Variants in TMEM74 observed in about 807,000 individuals in gnomAD.
TMEM74 encodes the protein transmembrane protein 74.
A neutral mutation model predicts 18.1 loss-of-function variants in TMEM74; 13 were observed. That is an observed-to-expected ratio of 0.72 (90% CI 0.47 to 1.14). The LOEUF is 1.14. TMEM74 is among the 50% of genes most tolerant of loss of function. TMEM74 has a pLI of 0.00. For missense variants in TMEM74, 372 were observed against 375.9 expected (o/e 0.99, Z 0.09); for synonymous variants, 159 against 146.6 (o/e 1.08, Z -0.61).
chr8:108,687,918 G>A (rs1813187691), intron 1 of TMEM74, among the ~76,000 whole-genome samples: 1 of 152,068 alleles, frequency 6.6e-6, no homozygotes, highest in African/African-American at 2.4e-5. Context: ...ATAGCCTGGG[G>A]GTTAGGAACC....
chr8:108,767,300 G>A (rs1260928037), intron 1 of TMEM74, among the ~76,000 whole-genome samples: 2 of 152,170 alleles, frequency 1.3e-5, no homozygotes, highest in East Asian at 3.9e-4. Flanking sequence ...TAAGATGTGA[G>A]CATTAGCAAA....
At chr8:108,706,443 T>C (rs3019337) in intron 1 of TMEM74, among the ~76,000 whole-genome samples, 32,341 of 152,116 alleles carry the variant, frequency 0.21, 3,572 homozygotes, top group East Asian at 0.29. Flanking sequence ...CCTGCATATC[T>C]ACACAAATAG....
chr8:108,759,238 T>C (rs1814012179), intron 1 of TMEM74, among the ~76,000 whole-genome samples: 1 of 152,088 alleles, frequency 6.6e-6, no homozygotes, highest in African/African-American at 2.4e-5. Context: ...CAATTATCTG[T>C]AACAGTTGTG....
At chr8:108,758,678 C>T (rs1485018556) in intron 1 of TMEM74, among the ~76,000 whole-genome samples, 1 of 151,832 alleles carries the variant, frequency 6.6e-6, no homozygotes, top group African/African-American at 2.4e-5. Flanking sequence ...ATACTCACAC[C>T]CTTGGACCTA....
intron 1 of TMEM74, among the ~76,000 whole-genome samples, chr8:108,676,425 C>T (rs1813056836): frequency 6.6e-6 from 1 of 152,132 alleles, no homozygotes; most frequent in Non-Finnish European, 1.5e-5. Context: ...ACATACCAGG[C>T]ACAGTCCCCC....
At chr8:108,657,581 G>A (rs1486015741) in intron 1 of TMEM74, among the ~76,000 whole-genome samples, 6 of 151,546 alleles carry the variant, frequency 4.0e-5, no homozygotes, top group Admixed American at 2.6e-4. Flanking sequence ...TTTTGGACCG[G>A]GCGCGGTGGC....
At chr8:108,656,177 C>CTCCTTCTT (rs1490180689) in intron 1 of TMEM74, among the ~76,000 whole-genome samples, 1 of 152,172 alleles carries the variant, frequency 6.6e-6, no homozygotes, top group African/African-American at 2.4e-5. Flanking sequence ...GCAAGTGTAG[C>CTCCTTCTT]TCCTTCTTCT....
At chr8:108,711,071 T>C (rs1327889699) in intron 1 of TMEM74, among the ~76,000 whole-genome samples, 1 of 152,206 alleles carries the variant, frequency 6.6e-6, no homozygotes, top group Non-Finnish European at 1.5e-5. Context: ...CCTTTCAGAA[T>C]ATCAACTATT....
chr8:108,701,075 T>C (rs751890610), intron 1 of TMEM74, among the ~76,000 whole-genome samples: 14 of 151,946 alleles, frequency 9.2e-5, no homozygotes, highest in Admixed American at 6.6e-4. Context: ...ATGTGCAAGG[T>C]TGAGTCAACA....
chr8:108,752,709 C>A (rs904777190), intron 1 of TMEM74, among the ~76,000 whole-genome samples: 1 of 152,012 alleles, frequency 6.6e-6, no homozygotes, highest in Admixed American at 6.6e-5. Context: ...CTGCCAACAA[C>A]CTCATATTCT....
chr8:108,700,853 T>G (rs1813328654), intron 1 of TMEM74, among the ~76,000 whole-genome samples: 1 of 152,134 alleles, frequency 6.6e-6, no homozygotes, highest in Non-Finnish European at 1.5e-5. Flanking sequence ...CAGGCTAAAC[T>G]CCTGAGCTAA....
rs1814310993 is a variant in TMEM74 at position 108,781,885 on chromosome 8, C to T, written c.*2296G>A. Among the ~76,000 whole-genome samples the T allele has an allele frequency of 6.6e-6, 1 of 152,072 alleles. No individual in the cohort carries two copies. The highest frequency in any genetic ancestry group is 2.4e-5 in the African/African-American group (1 of 41,420). Reference sequence around the variant, plus strand: ...TCATTAAATGCTTCCACATGAAAAGCTTTATTATCAAGTGAAAAGACCTCC... The same window carrying T: ...TCATTAAATGCTTCCACATGAAAAGTTTTATTATCAAGTGAAAAGACCTCC... On this transcript the variant is annotated 3_prime_UTR_variant, in exon 2 of 2. Transcript: ENST00000297459.
intron 1 of TMEM74, among the ~76,000 whole-genome samples, chr8:108,669,000 T>C (rs796253988): frequency 1.8e-4 from 28 of 152,176 alleles, no homozygotes; most frequent in African/African-American, 6.0e-4. Flanking sequence ...GCTGTTTCTG[T>C]GCTGCACTTG....
intron 1 of TMEM74, among the ~76,000 whole-genome samples, chr8:108,696,646 T>A (rs927769941): frequency 6.6e-6 from 1 of 152,226 alleles, no homozygotes; most frequent in Non-Finnish European, 1.5e-5. Flanking sequence ...GAAAGCACAG[T>A]CTTTGAAGGA....
At chr8:108,663,995 G>C (rs1484797826) in intron 1 of TMEM74, among the ~76,000 whole-genome samples, 1 of 152,106 alleles carries the variant, frequency 6.6e-6, no homozygotes, top group Non-Finnish European at 1.5e-5. Flanking sequence ...GGGAAGAATA[G>C]CTAGTGGATG....
Position 108,694,919 on chromosome 8 carries a change from A to C in TMEM74, n.120-39482T>G, listed in dbSNP as rs566023170. Among the ~76,000 whole-genome samples, 65 of 152,334 alleles carry C rather than the reference A, an allele frequency of 4.3e-4. 1 individual carries two copies. The highest frequency in any genetic ancestry group is 2.9e-3 in the South Asian group (14 of 4,830). ...AGCTGAATTTGAGCTGGAGCCCTCA[A>C]AAATGAACTAGAACCCACAAGCATT... is the stretch of plus-strand genomic sequence containing the variant. On this transcript the variant is annotated intron_variant and non_coding_transcript_variant, in intron 1 of 3. Transcript: ENST00000518838.
At chr8:108,778,239 T>C (rs1175980002), downstream of TMEM74, among the ~76,000 whole-genome samples, 2 of 152,150 alleles carry the variant, frequency 1.3e-5, no homozygotes, top group Admixed American at 1.3e-4. Flanking sequence ...GGAACTGCAT[T>C]TCCTGGCTTA....
intron 1 of TMEM74, among the ~76,000 whole-genome samples, chr8:108,771,482 A>C (rs1020931393): frequency 2.0e-5 from 3 of 152,172 alleles, no homozygotes; most frequent in Non-Finnish European, 2.9e-5. Context: ...CAGAGATAAC[A>C]CTGTTTATAT....
chr8:108,687,250 C>T (rs907911925), intron 1 of TMEM74, among the ~76,000 whole-genome samples: 1 of 151,880 alleles, frequency 6.6e-6, no homozygotes. Flanking sequence ...AGCCAACAAA[C>T]CTATAAAACC....
Sources: gnomAD v4.1 joint callset for allele counts (sites outside exome capture counted in the v4.1 genomes callset) on GRCh38, gnomAD v4.1.1 for gene constraint, MANE v1.5 for transcripts, NCBI Gene and HGNC (gene_info 2026-07-23, HGNC 2026-07-21) for gene names.